NKAIN2: variants seen among roughly 807,000 people sequenced by gnomAD.
The protein encoded by NKAIN2 is sodium/potassium-transporting ATPase subunit beta-1-interacting protein 2.
A neutral mutation model predicts 32.6 loss-of-function variants in NKAIN2; 14 were observed. The observed-to-expected ratio is 0.43, with a 90% confidence interval of 0.28 to 0.67. The LOEUF is 0.67. Ranked by LOEUF, NKAIN2 falls within the 30% of genes least tolerant of loss-of-function variation. The pLI, the probability that NKAIN2 is intolerant of heterozygous loss-of-function variation, is 0.17. For synonymous variants in NKAIN2, 80 were observed against 87.2 expected, an observed-to-expected ratio of 0.92 and a Z score of 0.46; for missense variants, 198 against 258.3, an observed-to-expected ratio of 0.77 and a Z score of 1.60.
At chr6:124,534,545 A>T (rs115142003) in intron 3 of NKAIN2, among the ~76,000 whole-genome samples, 29 of 152,334 alleles carry the variant, frequency 1.9e-4, no homozygotes, top group African/African-American at 6.3e-4. Flanking sequence ...CATGATACCA[A>T]AAGTTGATAT....
chr6:124,775,302 A>G (rs973254662), intron 4 of NKAIN2, among the ~76,000 whole-genome samples: 2 of 152,182 alleles, frequency 1.3e-5, no homozygotes, highest in African/African-American at 4.8e-5. Context: ...CGATTGGGCC[A>G]AGCCATTCTG....
chr6:124,322,578 T>A (rs1442833260), intron 2 of NKAIN2, among the ~76,000 whole-genome samples: 1 of 152,204 alleles, frequency 6.6e-6, no homozygotes, highest in African/African-American at 2.4e-5. Context: ...ATCATTAATT[T>A]ATTCTTCATA....
At chr6:124,205,372 T>A (rs967824036) in intron 1 of NKAIN2, among the ~76,000 whole-genome samples, 2 of 150,364 alleles carry the variant, frequency 1.3e-5, no homozygotes, top group Non-Finnish European at 3.0e-5. Flanking sequence ...TAAAAAAAAA[T>A]CTCTTAATTT....
At chr6:123,914,597 A>G (rs915973227) in intron 1 of NKAIN2, among the ~76,000 whole-genome samples, 2 of 152,160 alleles carry the variant, frequency 1.3e-5, no homozygotes, top group African/African-American at 4.8e-5. Context: ...CCCAGTTTAC[A>G]GAAGAGGCAA....
intron 1 of NKAIN2, among the ~76,000 whole-genome samples, chr6:124,078,712 C>T (rs1266562926): frequency 6.6e-6 from 1 of 151,516 alleles, no homozygotes; most frequent in African/African-American, 2.4e-5. Context: ...AATATTTTCA[C>T]CAGTTTTGAA....
At chr6:123,997,728 C>T (rs574531174) in intron 1 of NKAIN2, among the ~76,000 whole-genome samples, 10 of 151,318 alleles carry the variant, frequency 6.6e-5, no homozygotes, top group African/African-American at 2.4e-4. Context: ...CTCAGCCTCC[C>T]GAGTGGCTGG....
chr6:124,449,865 A>G (rs1256321114), intron 3 of NKAIN2, among the ~76,000 whole-genome samples: 1 of 152,118 alleles, frequency 6.6e-6, no homozygotes, highest in East Asian at 1.9e-4. Flanking sequence ...TTAGATTTGG[A>G]CTATAAATTG....
At chr6:124,623,110 G>T (rs1357421482) in intron 3 of NKAIN2, among the ~76,000 whole-genome samples, 1 of 152,028 alleles carries the variant, frequency 6.6e-6, no homozygotes. Flanking sequence ...CATATGCAAA[G>T]ACCCTTTTTT....
intron 3 of NKAIN2, among the ~76,000 whole-genome samples, chr6:124,441,079 A>G (rs966467948): frequency 3.9e-5 from 6 of 152,096 alleles, no homozygotes; most frequent in Admixed American, 6.6e-5. Flanking sequence ...TTTCTTCACT[A>G]TGTATAAAGC....
intron 1 of NKAIN2, among the ~76,000 whole-genome samples, chr6:124,171,547 A>ATTTTTTTTTTT (rs10665262): frequency 8.3e-5 from 8 of 96,472 alleles, no homozygotes; most frequent in African/African-American, 1.6e-4. Flanking sequence ...GGCCGATTTG[A>ATTTTTTTTTTT]TTTTTTTTTT....
chr6:124,645,252 T>C (rs1435920171), intron 3 of NKAIN2, among the ~76,000 whole-genome samples: 3 of 152,042 alleles, frequency 2.0e-5, no homozygotes, highest in African/African-American at 7.2e-5. Context: ...ACAACAGGAT[T>C]TGGAAGTGGA....
chr6:123,865,685 A>G (rs1309093633), intron 1 of NKAIN2, among the ~76,000 whole-genome samples: 3 of 152,202 alleles, frequency 2.0e-5, no homozygotes, highest in East Asian at 1.9e-4. Context: ...ATGGTTTAAT[A>G]TGTACTAGTT....
intron 1 of NKAIN2, among the ~76,000 whole-genome samples, chr6:124,099,552 G>A (rs1784788020): frequency 6.6e-6 from 1 of 152,144 alleles, no homozygotes; most frequent in Non-Finnish European, 1.5e-5. Context: ...AACATTAAAA[G>A]TCAAATTCTT....
At position 124,000,525 on chromosome 6, in the gene NKAIN2, T is replaced by G. The variant is rs55731029; in HGVS notation, c.54+196271T>G. Among the ~76,000 whole-genome samples, 1,208 of 152,162 alleles carry G rather than the reference T, an allele frequency of 7.9e-3. 9 individuals carry two copies. Among genetic ancestry groups the G allele is most frequent in the Non-Finnish European group, 0.012 (843 of 67,936 alleles). ...TTTTAGTGTGAGGAACAATATAAAT[T>G]TCATGAAGCCGGATGAAAAAAGAAG... On this transcript the variant is annotated intron_variant, in intron 1 of 6. Coordinates refer to ENST00000368417, the MANE Select transcript of NKAIN2 (RefSeq NM_001040214.3).
At chr6:124,287,542 T>C (rs570076967) in intron 2 of NKAIN2, among the ~76,000 whole-genome samples, 1 of 152,304 alleles carries the variant, frequency 6.6e-6, no homozygotes, top group Admixed American at 6.5e-5. Flanking sequence ...TTGCAGAATA[T>C]AGTATGCTGA....
In NKAIN2 at chr6:124,539,534, TCAGA is replaced by T. The variant is rs553787116; in HGVS notation, c.274-118649_274-118646del. Among the ~76,000 whole-genome samples, 253 of 152,306 alleles carry T rather than the reference TCAGA, an allele frequency of 1.7e-3. 3 individuals carry two copies. The Middle Eastern group carries it at 0.02, about 12-fold the overall frequency. On this transcript the variant is annotated intron_variant, in intron 3 of 6. Transcript: ENST00000368417. ...TGGTATTTTATAACGTGCAATAAAT[TCAGA>T]CAATGTTTGTATTACTATAAATAAA...
At chr6:124,224,748 A>G (rs1448875779) in intron 1 of NKAIN2, among the ~76,000 whole-genome samples, 1 of 152,104 alleles carries the variant, frequency 6.6e-6, no homozygotes, top group Non-Finnish European at 1.5e-5. Context: ...TACATGGGTC[A>G]CAGGCATTAA....
chr6:124,546,854 CAG>C (rs1780112081), intron 3 of NKAIN2, among the ~76,000 whole-genome samples: 1 of 152,114 alleles, frequency 6.6e-6, no homozygotes, highest in Non-Finnish European at 1.5e-5. Flanking sequence ...ACATCTCAGG[CAG>C]AGAGATAAAC....
At chr6:124,040,421 A>C (rs1414124268) in intron 1 of NKAIN2, among the ~76,000 whole-genome samples, 2 of 152,030 alleles carry the variant, frequency 1.3e-5, no homozygotes, top group East Asian at 1.9e-4. Flanking sequence ...TGAAGCTATA[A>C]ATTTTCTTCT....
Sources: gnomAD v4.1 joint callset for allele counts (sites outside exome capture counted in the v4.1 genomes callset) on GRCh38, gnomAD v4.1.1 for gene constraint, MANE v1.5 for transcripts, NCBI Gene and HGNC (gene_info 2026-07-23, HGNC 2026-07-21) for gene names.